Variants in GRID2 observed in about 807,000 individuals in gnomAD.
GRID2 encodes the protein glutamate receptor ionotropic, delta-2.
A neutral mutation model predicts 114.8 loss-of-function variants in GRID2; 33 were observed. The observed-to-expected ratio is 0.29, with a 90% CI of 0.22 to 0.38. GRID2 has a LOEUF of 0.38. Ranked by LOEUF, GRID2 falls within the 10% of genes least tolerant of loss-of-function variation. The probability of loss-of-function intolerance (pLI) is 1.00; values close to 1 mark genes in which losing one functional copy is unlikely to be tolerated. For missense variants in GRID2, 1,184 were observed against 1,257.7 expected (o/e 0.94, Z 0.89); for synonymous variants, 505 against 449.9 (o/e 1.12, Z -1.55).
intron 8 of GRID2, among the ~76,000 whole-genome samples, chr4:93,246,978 A>T (rs1748288014): frequency 6.6e-6 from 1 of 152,126 alleles, no homozygotes; most frequent in South Asian, 2.1e-4. Context: ...GTTTAGGGTT[A>T]CTCTGAGTTT....
intron 2 of GRID2, among the ~76,000 whole-genome samples, chr4:92,774,546 ATAT>A (rs1282716692): frequency 6.8e-6 from 1 of 146,940 alleles, no homozygotes; most frequent in Non-Finnish European, 1.5e-5. Flanking sequence ...ATGAATCAAG[ATAT>A]TCTAATTTCT....
chr4:92,639,916 C>G (rs1731261513), intron 2 of GRID2, among the ~76,000 whole-genome samples: 1 of 151,710 alleles, frequency 6.6e-6, no homozygotes, highest in Admixed American at 6.6e-5. Context: ...CATTTAACTA[C>G]TAAAGACATG....
At chr4:92,758,783 AT>A (rs1305032681) in intron 2 of GRID2, among the ~76,000 whole-genome samples, 1 of 152,066 alleles carries the variant, frequency 6.6e-6, no homozygotes, top group Non-Finnish European at 1.5e-5. Flanking sequence ...ATTTCCTCTT[AT>A]TTCAGTATCA....
chr4:92,850,224 C>T (rs913028000), intron 2 of GRID2, among the ~76,000 whole-genome samples: 25 of 151,416 alleles, frequency 1.7e-4, no homozygotes, highest in African/African-American at 6.0e-4. Flanking sequence ...AGTGAATCTA[C>T]ACTACATACT....
At chr4:93,204,891 A>G (rs1294831059) in intron 4 of GRID2, among the ~76,000 whole-genome samples, 1 of 152,186 alleles carries the variant, frequency 6.6e-6, no homozygotes, top group East Asian at 1.9e-4. Context: ...AGCTAAATAG[A>G]ATCACTGTAC....
At chr4:93,331,126 A>AC (rs34629868) in intron 8 of GRID2, among the ~76,000 whole-genome samples, 10,842 of 123,256 alleles carry the variant, frequency 0.088, 744 homozygotes, top group African/African-American at 0.18. Context: ...CTGCTATCTA[A>AC]CCCCCCCCCC....
chr4:92,601,681 T>G (rs927341759), intron 2 of GRID2, among the ~76,000 whole-genome samples: 2 of 151,350 alleles, frequency 1.3e-5, no homozygotes, highest in African/African-American at 4.9e-5. Context: ...ATAACCAAGA[T>G]CAGAGAGGAA....
At chr4:92,770,108 G>C (rs1033505331) in intron 2 of GRID2, among the ~76,000 whole-genome samples, 4 of 152,138 alleles carry the variant, frequency 2.6e-5, no homozygotes, top group African/African-American at 9.7e-5. Context: ...ATGCTTCGTT[G>C]CTTAGAAATT....
rs867582034 is a variant in GRID2 at position 92,442,140 on chromosome 4, C to T, written c.88+137396C>T. Reference sequence around the variant, plus strand: ...GCCTCCATATTGATTAAGAAGGGGACGGGCTTACCTTCCACTGTGAGAGTT... The same window carrying T: ...GCCTCCATATTGATTAAGAAGGGGATGGGCTTACCTTCCACTGTGAGAGTT... On this transcript the variant is annotated intron_variant, in intron 1 of 15. Coordinates refer to ENST00000282020, the MANE Select transcript of GRID2 (RefSeq NM_001510.4). Among the ~76,000 whole-genome samples, 1,430 of 149,336 alleles carry T rather than the reference C, an allele frequency of 9.6e-3. 27 individuals carry two copies. Among genetic ancestry groups the T allele is most frequent in the African/African-American group, 0.033 (1,311 of 39,974 alleles).
intron 2 of GRID2, among the ~76,000 whole-genome samples, chr4:92,992,645 T>G (rs1560777196): frequency 6.6e-6 from 1 of 152,188 alleles, no homozygotes; most frequent in Non-Finnish European, 1.5e-5. Flanking sequence ...CCATTTAAGC[T>G]TGGATCAAAC....
intron 1 of GRID2, among the ~76,000 whole-genome samples, chr4:92,560,748 C>T (rs1473012502): frequency 5.3e-5 from 8 of 152,106 alleles, no homozygotes. Flanking sequence ...CTCTTGACGC[C>T]CAGACTGGAG....
chr4:92,673,603 G>A (rs1733182310), intron 2 of GRID2, among the ~76,000 whole-genome samples: 1 of 152,036 alleles, frequency 6.6e-6, no homozygotes, highest in Non-Finnish European at 1.5e-5. Flanking sequence ...TATTTTCACT[G>A]ATTTTTTTAA....
chr4:92,831,633 C>G (rs1175131519), intron 2 of GRID2, among the ~76,000 whole-genome samples: 1 of 151,662 alleles, frequency 6.6e-6, no homozygotes, highest in East Asian at 1.9e-4. Context: ...GCAGGAGGAT[C>G]ATTTGAGCAC....
At chr4:93,243,694 A>G (rs535277594) in intron 8 of GRID2, among the ~76,000 whole-genome samples, 1 of 152,052 alleles carries the variant, frequency 6.6e-6, no homozygotes, top group South Asian at 2.1e-4. Context: ...CATTTTTTTG[A>G]GTTTGGTGAG....
intron 8 of GRID2, among the ~76,000 whole-genome samples, chr4:93,330,528 C>G (rs776645360): frequency 6.6e-6 from 1 of 152,056 alleles, no homozygotes; most frequent in Non-Finnish European, 1.5e-5. Context: ...TTTGTTTTAA[C>G]ACATATTAAT....
chr4:92,408,120 G>A (rs964667944), intron 1 of GRID2, among the ~76,000 whole-genome samples: 10 of 152,058 alleles, frequency 6.6e-5, no homozygotes, highest in African/African-American at 2.4e-4. Flanking sequence ...ATGGTGAGAG[G>A]TAGGGTTCTA....
In GRID2 at chr4:92,560,984, A is replaced by G. The variant is rs570148442; in HGVS notation, c.89-29147A>G. On this transcript the variant is annotated intron_variant, in intron 1 of 15. Coordinates refer to ENST00000282020, the MANE Select transcript of GRID2 (RefSeq NM_001510.4). ...CAGCCTCCCAAAATGCTGGGATTAC[A>G]GGTGTGAGCCAAGGCACCCGGCCGC... is the stretch of plus-strand genomic sequence containing the variant. Among the ~76,000 whole-genome samples, 442 of 152,312 alleles carry G rather than the reference A, an allele frequency of 2.9e-3. 1 individual carries two copies. Among genetic ancestry groups the G allele is most frequent in the Middle Eastern group, 0.01 (3 of 294 alleles).
chr4:93,033,713 T>G lies in GRID2; in HGVS notation c.245-51282T>G, dbSNP rs997860778. Among the ~76,000 whole-genome samples the G allele has an allele frequency of 2.0e-5, 3 of 152,320 alleles. No homozygotes were observed. The East Asian group carries it at 5.8e-4, about 29-fold the overall frequency. ...TCCTTGTTTCTGTTTCAACTTTTTT[T>G]CATTTTATGAATTTTCATTTGTTTT... On this transcript the variant is annotated intron_variant, in intron 2 of 15. Coordinates refer to ENST00000282020, the MANE Select transcript of GRID2 (RefSeq NM_001510.4).
At chr4:93,473,486 G>C (rs1725036432) in intron 11 of GRID2, among the ~76,000 whole-genome samples, 1 of 152,034 alleles carries the variant, frequency 6.6e-6, no homozygotes, top group Non-Finnish European at 1.5e-5. Flanking sequence ...ACTAGATATT[G>C]AGAAGAAGCT....
Sources: gnomAD v4.1 joint callset for allele counts (sites outside exome capture counted in the v4.1 genomes callset) on GRCh38, gnomAD v4.1.1 for gene constraint, MANE v1.5 for transcripts, NCBI Gene and HGNC (gene_info 2026-07-23, HGNC 2026-07-21) for gene names.